The following HAPLN1 variants were observed in gnomAD, a reference collection of about 807,000 sequenced individuals.
The protein encoded by HAPLN1 is Cartilage link protein.
Under a neutral mutation model 36.5 loss-of-function variants are expected in HAPLN1, and 13 were observed. That is an observed-to-expected ratio of 0.36 (90% confidence interval 0.23 to 0.57). The LOEUF (loss-of-function observed/expected upper bound fraction) is 0.57, where lower values mean the gene tolerates loss of function less well. Among genes scored for constraint, HAPLN1 ranks in the 20% least tolerant of loss-of-function variants. The pLI, the probability that HAPLN1 is intolerant of heterozygous loss-of-function variation, is 0.83. For synonymous variants in HAPLN1, 202 were observed against 169.8 expected (o/e 1.19, Z -1.48); for missense variants, 407 against 439.7 (o/e 0.93, Z 0.66).
rs1750962746 is a variant in HAPLN1, at chr5:83,680,068, A to G, written c.-26-6519T>C. Among the ~76,000 whole-genome samples the G allele has an allele frequency of 2.6e-5, 4 of 152,102 alleles. 1 individual carries two copies. In the South Asian group the frequency reaches 8.3e-4, roughly 31 times the overall value. The stretch of plus-strand genomic sequence containing the variant: ...CTGTTTTTGGCTGTTGCTCTTTGCT[A>G]GCTCTCTCTCTCAGACAATATTGAC... On this transcript the variant is annotated intron_variant, in intron 1 of 4. Transcript: ENST00000274341.
intron 1 of HAPLN1, among the ~76,000 whole-genome samples, chr5:83,677,729 T>A (rs1750891236): frequency 6.6e-6 from 1 of 152,224 alleles, no homozygotes; most frequent in Non-Finnish European, 1.5e-5. Context: ...GGTTTGAAAG[T>A]ATTCTTGAAC....
intron 1 of HAPLN1, among the ~76,000 whole-genome samples, chr5:83,686,828 G>T (rs552908659): frequency 3.9e-5 from 6 of 152,224 alleles, no homozygotes; most frequent in Non-Finnish European, 7.4e-5. Context: ...ACAAAAGAAG[G>T]TCACTTAAAT....
chr5:83,720,704 T>C (rs1751998770), intron 1 of HAPLN1, 85 bp downstream of exon 1: 1 of 152,242 alleles, frequency 6.6e-6, no homozygotes, highest in Non-Finnish European at 1.5e-5. Context: ...TTAATGTATA[T>C]ATACATTGCA....
chr5:83,678,825 T>C (rs1362492283), intron 1 of HAPLN1, among the ~76,000 whole-genome samples: 1 of 152,244 alleles, frequency 6.6e-6, no homozygotes, highest in Non-Finnish European at 1.5e-5. Flanking sequence ...TTTGGCATAC[T>C]GCTTCTAAGT....
intron 2 of HAPLN1, among the ~76,000 whole-genome samples, chr5:83,656,436 T>TAAA (rs36012664): frequency 7.0e-6 from 1 of 143,262 alleles, no homozygotes; most frequent in Non-Finnish European, 1.5e-5. Flanking sequence ...AGTATTGCTT[T>TAAA]AAAAAAAAAA....
intron 3 of HAPLN1, 33 bp downstream of exon 3, chr5:83,652,419 AT>A: frequency 6.3e-7 from 1 of 1,576,246 alleles, no homozygotes; most frequent in Non-Finnish European, 8.6e-7. Context: ...ATTAATGACC[AT>A]TTATACGTTG....
intron 2 of HAPLN1, among the ~76,000 whole-genome samples, chr5:83,668,973 A>G (rs956064703): frequency 6.6e-6 from 1 of 152,224 alleles, no homozygotes; most frequent in Non-Finnish European, 1.5e-5. Flanking sequence ...AACTTCTGGC[A>G]ATTCCTTATT....
chr5:83,702,797 G>A (rs1751541743), intron 1 of HAPLN1, among the ~76,000 whole-genome samples: 1 of 151,740 alleles, frequency 6.6e-6, no homozygotes, highest in Non-Finnish European at 1.5e-5. Flanking sequence ...GAGTGCAGCG[G>A]AGCAATTTCA....
chr5:83,647,515 TTTTA>T (rs974358171), intron 3 of HAPLN1, among the ~76,000 whole-genome samples: 11 of 152,212 alleles, frequency 7.2e-5, no homozygotes, highest in African/African-American at 2.7e-4. Context: ...ATTGTTAGTA[TTTTA>T]TTTGTTTACT....
chr5:83,641,454 T>G lies in HAPLN1; in HGVS notation c.*42A>C. On this transcript the variant is annotated 3_prime_UTR_variant, in exon 5 of 5. Coordinates refer to ENST00000274341, the MANE Select transcript of HAPLN1 (RefSeq NM_001884.4). ...TTGGAAAAAAAAAACACCTTTCACA[T>G]GTTCTTAATGACTTTAAAACTGATG... The G allele has an allele frequency of 6.6e-7, 1 of 1,511,418 alleles. No homozygotes were observed. The highest frequency in any genetic ancestry group is 8.9e-7 in the Non-Finnish European group (1 of 1,127,298). The allele number at this position is 1,511,418 out of a possible 1,614,324, so 93.6% of individuals were successfully genotyped here. A position where few individuals can be genotyped will look rare whatever the true frequency, so the allele number is the denominator to read the frequency against.
At chr5:83,718,594 C>G (rs1751962591) in intron 1 of HAPLN1, among the ~76,000 whole-genome samples, 1 of 152,222 alleles carries the variant, frequency 6.6e-6, no homozygotes, top group East Asian at 1.9e-4. Context: ...TCCTTTCCTA[C>G]TTCTTCCAAC....
intron 1 of HAPLN1, among the ~76,000 whole-genome samples, chr5:83,684,691 G>A (rs968439680): frequency 6.6e-6 from 1 of 152,096 alleles, no homozygotes; most frequent in Non-Finnish European, 1.5e-5. Flanking sequence ...ATAGTAGAGT[G>A]GCTGGAGGTG....
At chr5:83,676,971 C>T (rs967483228) in intron 1 of HAPLN1, among the ~76,000 whole-genome samples, 2 of 152,122 alleles carry the variant, frequency 1.3e-5, no homozygotes, top group African/African-American at 4.8e-5. Context: ...AGCAATATAC[C>T]TTATCCAATG....
chr5:83,716,830 G>A (rs1016293111), intron 1 of HAPLN1, among the ~76,000 whole-genome samples: 7 of 152,226 alleles, frequency 4.6e-5, no homozygotes, highest in Admixed American at 3.3e-4. Context: ...TCAGGAGTTC[G>A]AGACCAACCT....
chr5:83,671,659 T>C (rs1337375024), intron 2 of HAPLN1, among the ~76,000 whole-genome samples: 1 of 152,122 alleles, frequency 6.6e-6, no homozygotes, highest in Non-Finnish European at 1.5e-5. Context: ...CACAAAAAAA[T>C]TGTTGGGAAA....
intron 1 of HAPLN1, among the ~76,000 whole-genome samples, chr5:83,717,372 C>T (rs1387512217): frequency 1.3e-5 from 2 of 152,100 alleles, no homozygotes; most frequent in Non-Finnish European, 1.5e-5. Flanking sequence ...GTTTCCCTGC[C>T]ATACAAAAAC....
chr5:83,705,387 CAAAAA>C (rs762927081), intron 1 of HAPLN1, among the ~76,000 whole-genome samples: 5 of 85,424 alleles, frequency 5.9e-5, no homozygotes, highest in African/African-American at 2.4e-4. Flanking sequence ...TGAAACGTCA[CAAAAA>C]AAAAAAAAAA....
chr5:83,652,751 T>A lies in HAPLN1; in HGVS notation c.174A>T (p.Thr58=), dbSNP rs778859881. ...GGTCTCGATAAAATTTACATGGCAG[T>A]GTAACATTGCCACCTCTGTGTGAAA... ...KVFSHRGGNV[T]LPCKFYRDPT... Residue 58 remains threonine, a synonymous_variant, in exon 3 of 5, where the codon ACA becomes ACT. Coordinates refer to ENST00000274341, the MANE Select transcript of HAPLN1 (RefSeq NM_001884.4). The A allele has an allele frequency of 6.2e-7, 1 of 1,613,962 alleles. No individual in the cohort carries two copies. Among genetic ancestry groups the A allele is most frequent in the Non-Finnish European group, 8.5e-7 (1 of 1,179,992 alleles).
intron 1 of HAPLN1, among the ~76,000 whole-genome samples, chr5:83,682,880 A>T (rs1381324250): frequency 6.6e-6 from 1 of 152,010 alleles, no homozygotes; most frequent in Non-Finnish European, 1.5e-5. Flanking sequence ...TTTAAAACTA[A>T]ATAATTCTCA....
Sources: gnomAD v4.1 joint callset for allele counts (sites outside exome capture counted in the v4.1 genomes callset) on GRCh38, gnomAD v4.1.1 for gene constraint, MANE v1.5 for transcripts, NCBI Gene and HGNC (gene_info 2026-07-23, HGNC 2026-07-21) for gene names.